Variants in KIAA1549L observed in about 807,000 individuals in gnomAD.
KIAA1549L encodes KIAA1549 like, also known as UPF0606 protein KIAA1549L.
In KIAA1549L, 88 loss-of-function variants were observed where a neutral mutation model predicts 160.7. The ratio of observed to expected loss-of-function variants is 0.55; its 90% CI spans 0.46 to 0.65. The LOEUF is 0.65. KIAA1549L is among the 30% of genes least tolerant of loss of function. The pLI is 0.00. For synonymous variants in KIAA1549L, 950 were observed against 976.7 expected (o/e 0.97, Z 0.51); for missense variants, 2,258 against 2,437.5 (o/e 0.93, Z 1.55).
At chr11:33,456,623 G>A (rs1315443465) in intron 1 of KIAA1549L, among the ~76,000 whole-genome samples, 1 of 152,126 alleles carries the variant, frequency 6.6e-6, no homozygotes, top group African/African-American at 2.4e-5. Context: ...TGTTGCCCAG[G>A]TTGGTCTTGA....
At chr11:33,379,496 A>G (rs1850029719) in intron 1 of KIAA1549L, among the ~76,000 whole-genome samples, 1 of 152,190 alleles carries the variant, frequency 6.6e-6, no homozygotes, top group Admixed American at 6.5e-5. Flanking sequence ...AGTACTGAGT[A>G]CTGACACCCT....
At chr11:33,422,880 CT>C (rs1851046938) in intron 1 of KIAA1549L, among the ~76,000 whole-genome samples, 2 of 152,160 alleles carry the variant, frequency 1.3e-5, no homozygotes, top group East Asian at 3.9e-4. Flanking sequence ...GCCCTTATGG[CT>C]GTTGTGTATG....
chr11:33,624,623 T>G (rs1166014406), intron 16 of KIAA1549L, among the ~76,000 whole-genome samples: 1 of 152,202 alleles, frequency 6.6e-6, no homozygotes, highest in Non-Finnish European at 1.5e-5. Context: ...ACATGTATTT[T>G]GTTTATATTG....
At chr11:33,658,932 C>T (rs1359995999) in intron 19 of KIAA1549L, 34 bp downstream of exon 19, 2 of 1,520,178 alleles carry the variant, frequency 1.3e-6, no homozygotes, top group Non-Finnish European at 1.8e-6. Context: ...GTGCCCCCCA[C>T]CACTGCTGCT....
At chr11:33,486,883 T>TA (rs754473010) in intron 1 of KIAA1549L, among the ~76,000 whole-genome samples, 62 of 152,344 alleles carry the variant, frequency 4.1e-4, no homozygotes, top group Non-Finnish European at 6.0e-4. Context: ...ACCCAAGACT[T>TA]ACTTCAGTTT....
intron 1 of KIAA1549L, among the ~76,000 whole-genome samples, chr11:33,539,630 C>T (rs1018777817): frequency 6.6e-6 from 1 of 152,186 alleles, no homozygotes; most frequent in Non-Finnish European, 1.5e-5. Flanking sequence ...TAGCAACTTC[C>T]TGAAATATGT....
At chr11:33,601,386 A>G (rs754445062) in intron 13 of KIAA1549L, among the ~76,000 whole-genome samples, 24 of 152,198 alleles carry the variant, frequency 1.6e-4, no homozygotes, top group Non-Finnish European at 3.1e-4. Context: ...TTTTTATCAG[A>G]GGGTTCCATT....
chr11:33,471,542 A>G (rs1852178579), intron 1 of KIAA1549L, among the ~76,000 whole-genome samples: 2 of 152,142 alleles, frequency 1.3e-5, no homozygotes, highest in Admixed American at 6.5e-5. Context: ...GTTGATGCTC[A>G]GTTACTCAGA....
At chr11:33,653,855 C>G (rs1028456026) in intron 17 of KIAA1549L, among the ~76,000 whole-genome samples, 10 of 151,714 alleles carry the variant, frequency 6.6e-5, no homozygotes, top group Non-Finnish European at 1.5e-4. Flanking sequence ...TGTGATTAAT[C>G]TATTATTTAC....
chr11:33,599,013 G>GCACACGTGTGCACAAACT, intron 13 of KIAA1549L, 66 bp downstream of exon 13: 11 of 1,555,234 alleles, frequency 7.1e-6, no homozygotes, highest in Middle Eastern at 2.3e-4. Flanking sequence ...ACACATGCGT[G>GCACACGTGTGCACAAACT]CACACGTGTG....
At chr11:33,527,940 T>TGG (rs1441800577) in intron 1 of KIAA1549L, among the ~76,000 whole-genome samples, 1 of 152,158 alleles carries the variant, frequency 6.6e-6, no homozygotes, top group Non-Finnish European at 1.5e-5. Flanking sequence ...AATTGAATCA[T>TGG]GGGGGCGAGC....
chr11:33,554,776 G>A (rs970375086), intron 6 of KIAA1549L, among the ~76,000 whole-genome samples: 1 of 152,192 alleles, frequency 6.6e-6, no homozygotes, highest in Admixed American at 6.5e-5. Flanking sequence ...CATGAGCAAA[G>A]AGGAGAAATG....
At chr11:33,590,455 TG>T (rs1850020114) in intron 11 of KIAA1549L, among the ~76,000 whole-genome samples, 1 of 152,218 alleles carries the variant, frequency 6.6e-6, no homozygotes, top group African/African-American at 2.4e-5. Context: ...ATATGCGTCT[TG>T]GTTTTCATTA....
intron 1 of KIAA1549L, among the ~76,000 whole-genome samples, chr11:33,520,739 A>ACACACACT (rs1853468906): frequency 2.8e-5 from 2 of 72,656 alleles, no homozygotes; most frequent in South Asian, 4.8e-4. Context: ...ACACACACAC[A>ACACACACT]CTCCCTCTCT....
chr11:33,607,846 C>T (rs1590392802), intron 14 of KIAA1549L, among the ~76,000 whole-genome samples: 1 of 152,086 alleles, frequency 6.6e-6, no homozygotes, highest in African/African-American at 2.4e-5. Context: ...ACTGAGATGG[C>T]CTAAAGATGT....
chr11:33,561,765 T>A, intron 8 of KIAA1549L, 30 bp downstream of exon 8: 1 of 1,448,904 alleles, frequency 6.9e-7, no homozygotes, highest in Non-Finnish European at 9.7e-7. Flanking sequence ...TTTCCCCTCT[T>A]CATGCTGTCA....
rs1258984451 is a variant in KIAA1549L, at chr11:33,419,885, CATACATACATACATACATACATATAT to C, written c.238+43000_238+43025del. ...ACATACATACATACATACATACATA[CATACATACATACATACATACATATAT>C]ATATATGAATAGCTTTATTTTTTTC... On this transcript the variant is annotated intron_variant, in intron 1 of 20. Transcript: ENST00000658780. Among the ~76,000 whole-genome samples, 379 of 105,076 alleles carry C rather than the reference CATACATACATACATACATACATATAT, an allele frequency of 3.6e-3. 4 individuals carry two copies. Among genetic ancestry groups the C allele is most frequent in the Middle Eastern group, 9.1e-3 (2 of 220 alleles). 68.9% of individuals were successfully genotyped at this position (105,076 alleles called of 152,430 possible).
At chr11:33,407,784 C>T (rs147070499) in intron 1 of KIAA1549L, among the ~76,000 whole-genome samples, 206 of 152,324 alleles carry the variant, frequency 1.4e-3, no homozygotes, top group African/African-American at 4.6e-3. Flanking sequence ...GAAACCCTGC[C>T]TCCTTGTTCT....
At position 33,390,014 on chromosome 11, in the gene KIAA1549L, T is replaced by G. The variant is rs143159311; in HGVS notation, c.238+13125T>G. ...ATATAACCAGGCCACGTGGATGCTATAATTAATTGATAGAAATAACAGCTA... is the reference window on the plus strand; with the variant it reads ...ATATAACCAGGCCACGTGGATGCTAGAATTAATTGATAGAAATAACAGCTA... On this transcript the variant is annotated intron_variant, in intron 1 of 20. Coordinates refer to ENST00000658780, the MANE Select transcript of KIAA1549L (RefSeq NM_012194.3). Among the ~76,000 whole-genome samples, 1,177 of 152,360 alleles carry G rather than the reference T, an allele frequency of 7.7e-3. 14 individuals carry two copies. Among genetic ancestry groups the G allele is most frequent in the Non-Finnish European group, 0.01 (703 of 68,030 alleles).
Sources: gnomAD v4.1 joint callset for allele counts (sites outside exome capture counted in the v4.1 genomes callset) on GRCh38, gnomAD v4.1.1 for gene constraint, MANE v1.5 for transcripts, NCBI Gene and HGNC (gene_info 2026-07-23, HGNC 2026-07-21) for gene names.